TOX: variants seen among roughly 807,000 people sequenced by gnomAD.
TOX encodes thymocyte selection-associated high mobility group box protein TOX.
Under a neutral mutation model 53.7 loss-of-function variants are expected in TOX, and 11 were observed. The observed-to-expected ratio is 0.20, with a 90% CI of 0.13 to 0.34. The LOEUF is 0.34. Among genes scored for constraint, TOX ranks in the 10% least tolerant of loss-of-function variants. The pLI, the probability that TOX is intolerant of heterozygous loss-of-function variation, is 1.00. For synonymous variants in TOX, 225 were observed against 245.3 expected (o/e 0.92, Z 0.77); for missense variants, 570 against 664.6 (o/e 0.86, Z 1.56).
intron 3 of TOX, among the ~76,000 whole-genome samples, chr8:58,908,107 G>A (rs893802114): frequency 2.0e-5 from 3 of 151,898 alleles, no homozygotes; most frequent in East Asian, 1.9e-4. Flanking sequence ...CAGAGCCCCC[G>A]CCATAGGCCC....
intron 1 of TOX, among the ~76,000 whole-genome samples, chr8:58,978,897 G>A (rs2129416653): frequency 6.6e-6 from 1 of 152,234 alleles, no homozygotes; most frequent in East Asian, 1.9e-4. Context: ...AGTATTTTTT[G>A]TGGACACAAT....
chr8:59,024,566 C>T lies in TOX; in HGVS notation c.103-64558G>A, dbSNP rs142788667. 2.2e-3 allele frequency among the ~76,000 whole-genome samples: 341 copies of T among 152,290 alleles called. 3 individuals are homozygous for T. Among genetic ancestry groups the T allele is most frequent in the African/African-American group, 7.6e-3 (314 of 41,548 alleles). On this transcript the variant is annotated intron_variant, in intron 1 of 8. Coordinates refer to ENST00000361421, the MANE Select transcript of TOX (RefSeq NM_014729.3). ...CTGTCACGTTTTTGTGTTCAGCTAG[C>T]GGCCTGACATGGTAGCCAGCAGCCC...
intron 3 of TOX, among the ~76,000 whole-genome samples, chr8:58,930,435 C>T (rs57226085): frequency 0.013 from 1,985 of 152,234 alleles, 58 homozygotes; most frequent in African/African-American, 0.046. Flanking sequence ...GTAATGAGCT[C>T]ATGAGGCAGA....
chr8:59,009,211 C>A (rs946733270), intron 1 of TOX, among the ~76,000 whole-genome samples: 3 of 150,076 alleles, frequency 2.0e-5, no homozygotes, highest in Non-Finnish European at 3.0e-5. Context: ...TTTTCTTCCC[C>A]CTCTTTCTCC....
At position 59,036,096 on chromosome 8, in the gene TOX, G is replaced by A. The variant is rs1052715367; in HGVS notation, c.103-76088C>T. On this transcript the variant is annotated intron_variant, in intron 1 of 8. Transcript: ENST00000361421. The stretch of plus-strand genomic sequence containing the variant: ...TGTTCCCCTAGCAGTTGTATTCAGA[G>A]TATTCTCGAAGCTCAGGAAAAGAAA... 2.0e-5 allele frequency among the ~76,000 whole-genome samples: 3 copies of A among 152,198 alleles called. No individual in the cohort carries two copies. In the East Asian group the frequency reaches 5.8e-4, roughly 29 times the overall value.
chr8:59,110,693 T>C lies in TOX; in HGVS notation c.102+8193A>G, dbSNP rs532103975. On this transcript the variant is annotated intron_variant, in intron 1 of 8. Coordinates refer to ENST00000361421, the MANE Select transcript of TOX (RefSeq NM_014729.3). ...CAGCCCTCATAATAGCATCTCTCCT[T>C]AGGTGCACTGACTCTTAATGTGGAG... 8.7e-4 allele frequency among the ~76,000 whole-genome samples: 132 copies of C among 151,932 alleles called. 1 individual carries two copies. The highest frequency in any genetic ancestry group is 3.4e-3 in the Middle Eastern group (1 of 294).
chr8:58,891,354 C>T (rs564955897), intron 3 of TOX, among the ~76,000 whole-genome samples: 3 of 152,130 alleles, frequency 2.0e-5, no homozygotes, highest in Middle Eastern at 3.4e-3. Flanking sequence ...AAATAAAGAG[C>T]AGGGGAGGAG....
At chr8:58,958,447 C>A (rs1025955480) in intron 2 of TOX, among the ~76,000 whole-genome samples, 2 of 152,162 alleles carry the variant, frequency 1.3e-5, no homozygotes, top group African/African-American at 4.8e-5. Flanking sequence ...TCAATTAGCC[C>A]TTACACTTCA....
At chr8:58,943,991 C>T (rs940253671) in intron 2 of TOX, among the ~76,000 whole-genome samples, 2 of 152,180 alleles carry the variant, frequency 1.3e-5, no homozygotes, top group Non-Finnish European at 2.9e-5. Context: ...TATTAGCATA[C>T]AGAGTGATTT....
intron 1 of TOX, among the ~76,000 whole-genome samples, chr8:59,023,438 T>C (rs2129419551): frequency 6.6e-6 from 1 of 152,306 alleles, no homozygotes; most frequent in Admixed American, 6.5e-5. Context: ...AATTTTACAG[T>C]TGGAGAAGGC....
intron 1 of TOX, among the ~76,000 whole-genome samples, chr8:59,010,969 G>C (rs907174423): frequency 1.3e-5 from 2 of 152,164 alleles, no homozygotes; most frequent in African/African-American, 2.4e-5. Context: ...AAGCAAGGCT[G>C]TTTCCCATCC....
At chr8:59,047,547 T>C (rs114391067) in intron 1 of TOX, among the ~76,000 whole-genome samples, 3,302 of 151,430 alleles carry the variant, frequency 0.022, 84 homozygotes, top group South Asian at 0.088. Flanking sequence ...AATAGAGCCC[T>C]TAGAGACTCA....
chr8:59,040,650 A>C (rs1803563868), intron 1 of TOX, among the ~76,000 whole-genome samples: 1 of 152,252 alleles, frequency 6.6e-6, no homozygotes, highest in African/African-American at 2.4e-5. Context: ...CAATAGACCC[A>C]ATTATACAGC....
intron 1 of TOX, among the ~76,000 whole-genome samples, chr8:59,114,964 C>G (rs867557399): frequency 2.0e-5 from 3 of 152,174 alleles, no homozygotes; most frequent in Non-Finnish European, 2.9e-5. Flanking sequence ...GAGTTCATCA[C>G]AAATGGGTCC....
intron 3 of TOX, among the ~76,000 whole-genome samples, chr8:58,938,302 T>G (rs917304737): frequency 6.6e-5 from 10 of 152,222 alleles, no homozygotes; most frequent in Non-Finnish European, 1.5e-4. Context: ...ATGAAATGTG[T>G]TTTTTAATAT....
chr8:58,956,734 G>T (rs1167905935), intron 2 of TOX, among the ~76,000 whole-genome samples: 1 of 152,130 alleles, frequency 6.6e-6, no homozygotes, highest in African/African-American at 2.4e-5. Context: ...CCGGAGTGGA[G>T]ACTCTGGAGT....
chr8:59,033,922 C>T (rs1297763080), intron 1 of TOX, among the ~76,000 whole-genome samples: 1 of 152,322 alleles, frequency 6.6e-6, no homozygotes, highest in East Asian at 1.9e-4. Context: ...AATTTCTTAG[C>T]TGCTCCTGCC....
At chr8:58,880,458 T>G (rs1160580686) in intron 3 of TOX, among the ~76,000 whole-genome samples, 1 of 152,148 alleles carries the variant, frequency 6.6e-6, no homozygotes, top group Non-Finnish European at 1.5e-5. Context: ...TGGAAAGAGT[T>G]TTAATGAACT....
intron 5 of TOX, among the ~76,000 whole-genome samples, chr8:58,831,157 T>C (rs925802929): frequency 4.8e-4 from 73 of 152,272 alleles, no homozygotes; most frequent in Admixed American, 1.4e-3. Flanking sequence ...CCCACGTAAA[T>C]GGTCTCAGCA....
Sources: allele counts gnomAD v4.1 joint callset (sites outside exome capture counted in the v4.1 genomes callset), GRCh38; gene constraint gnomAD v4.1.1; transcripts MANE v1.5; gene names NCBI Gene and HGNC (gene_info 2026-07-23, HGNC 2026-07-21).